SPMIP5: variants seen among roughly 807,000 people sequenced by gnomAD.
The protein encoded by SPMIP5 is sperm-associated microtubule inner protein 5.
At chr10:116,665,083 C>T in the SPMIP5 span, 6 of 1,441,230 alleles carry the variant, frequency 4.2e-6, no homozygotes, top group Non-Finnish European at 5.4e-6. Context: ...CTAACCAGGA[C>T]TGTGCCCCCT....
the SPMIP5 span, chr10:116,664,141 G>C: frequency 1.7e-5 from 27 of 1,613,876 alleles, no homozygotes; most frequent in East Asian, 5.3e-4. Flanking sequence ...TTTTTAAAAC[G>C]GTAGTAGGAA....
chr10:116,663,057 C>A, the SPMIP5 span, among the ~76,000 whole-genome samples: 1 of 151,932 alleles, frequency 6.6e-6, no homozygotes, highest in South Asian at 2.1e-4. Context: ...TGGTGGGCGC[C>A]TGTAGTCCCA....
chr10:116,665,019 G>A, the SPMIP5 span: 1 of 1,540,416 alleles, frequency 6.5e-7, no homozygotes, highest in Non-Finnish European at 8.7e-7. Flanking sequence ...GCTGAGGCCT[G>A]AAAACTTGTG....
chr10:116,662,666 C>T, the SPMIP5 span, among the ~76,000 whole-genome samples: 14 of 152,056 alleles, frequency 9.2e-5, no homozygotes, highest in African/African-American at 2.2e-4. Context: ...CTTCTGCATA[C>T]GGGTGGTTGC....
At chr10:116,665,313 G>C in the SPMIP5 span, 2 of 379,678 alleles carry the variant, frequency 5.3e-6, no homozygotes, top group East Asian at 1.1e-4. Flanking sequence ...GCTGAGGCAG[G>C]AGAATCGCTT....
the SPMIP5 span, chr10:116,663,988 C>T: frequency 1.3e-6 from 2 of 1,543,186 alleles, no homozygotes; most frequent in East Asian, 2.4e-5. Context: ...CTGAGCACAG[C>T]CACATGTCAG....
chr10:116,669,440 C>G, the SPMIP5 span, among the ~76,000 whole-genome samples: 1 of 152,210 alleles, frequency 6.6e-6, no homozygotes, highest in Non-Finnish European at 1.5e-5. Flanking sequence ...GAGACCATGT[C>G]CCACCCATAC....
At chr10:116,664,982 T>TAA in the SPMIP5 span, 1 of 1,581,274 alleles carries the variant, frequency 6.3e-7, no homozygotes, top group South Asian at 1.2e-5. Context: ...AGAAAGCAAC[T>TAA]AAAAAATGTT....
chr10:116,663,324 C>T, the SPMIP5 span, among the ~76,000 whole-genome samples: 1 of 152,184 alleles, frequency 6.6e-6, no homozygotes, highest in African/African-American at 2.4e-5. Context: ...CCACGGGTTT[C>T]AGAGGGAGCT....
At chr10:116,668,922 G>A in the SPMIP5 span, among the ~76,000 whole-genome samples, 490 of 64,230 alleles carry the variant, frequency 7.6e-3, 2 homozygotes, top group African/African-American at 0.03. Context: ...CCCACCCGCC[G>A]GCACACACAT....
chr10:116,668,435 T>C, the SPMIP5 span: 1 of 923,984 alleles, frequency 1.1e-6, no homozygotes, highest in Non-Finnish European at 1.8e-6. Context: ...CTGCCAGGAG[T>C]TGGGGCTGAG....
At chr10:116,666,496 A>G in the SPMIP5 span, among the ~76,000 whole-genome samples, 6 of 152,258 alleles carry the variant, frequency 3.9e-5, no homozygotes, top group South Asian at 6.2e-4. Flanking sequence ...AAACTGGTTA[A>G]GAACTTAGTT....
the SPMIP5 span, chr10:116,663,800 CTT>C: frequency 7.7e-7 from 1 of 1,307,132 alleles, no homozygotes; most frequent in East Asian, 2.6e-5. Context: ...TTAAAAAATT[CTT>C]GTTACTAAAT....
the SPMIP5 span, chr10:116,664,661 G>C: frequency 6.5e-7 from 1 of 1,535,568 alleles, no homozygotes; most frequent in Non-Finnish European, 8.7e-7. Flanking sequence ...CACACAAATA[G>C]TCCTAGTGCT....
At chr10:116,668,975 A>AC in the SPMIP5 span, among the ~76,000 whole-genome samples, 1 of 150,496 alleles carries the variant, frequency 6.6e-6, no homozygotes, top group Non-Finnish European at 1.5e-5. Context: ...ACACACAAAC[A>AC]AGGGAGAAGA....
chr10:116,668,948 C>CACACACACAT, the SPMIP5 span, among the ~76,000 whole-genome samples: 1 of 151,222 alleles, frequency 6.6e-6, no homozygotes, highest in African/African-American at 2.4e-5. Flanking sequence ...CACACACACA[C>CACACACACAT]ACACACACAC....
the SPMIP5 span, chr10:116,665,271 C>A: frequency 1.6e-5 from 7 of 443,796 alleles, no homozygotes; most frequent in South Asian, 2.8e-4. Flanking sequence ...GTGGCATGCA[C>A]CTGTAGTCTC....
the SPMIP5 span, among the ~76,000 whole-genome samples, chr10:116,666,232 G>GA: frequency 5.3e-5 from 8 of 152,168 alleles, no homozygotes. Flanking sequence ...TGCAATTTGG[G>GA]ATCTTTCTTG....
chr10:116,670,094 G>C, the SPMIP5 span: 2 of 152,270 alleles, frequency 1.3e-5, no homozygotes, highest in Middle Eastern at 3.2e-3. Context: ...GAAGGTGGGC[G>C]CTTCCCCCAG....
Sources: allele counts gnomAD v4.1 joint callset (sites outside exome capture counted in the v4.1 genomes callset), GRCh38; gene constraint gnomAD v4.1.1; transcripts MANE v1.5; gene names NCBI Gene and HGNC (gene_info 2026-07-23, HGNC 2026-07-21).